Variants in SLC27A1 observed in about 807,000 individuals in gnomAD.
SLC27A1 encodes long-chain fatty acid transport protein 1.
Under a neutral mutation model 62.2 loss-of-function variants are expected in SLC27A1, and 61 were observed. That is an observed-to-expected ratio of 0.98 (90% CI 0.80 to 1.21). The LOEUF (loss-of-function observed/expected upper bound fraction) is 1.21. SLC27A1 is among the 50% of genes most tolerant of loss of function. The probability of loss-of-function intolerance (pLI) is 0.00; values close to 1 mark genes in which losing one functional copy is unlikely to be tolerated. For synonymous variants in SLC27A1, 435 were observed against 408.6 expected, an observed-to-expected ratio of 1.06 and a Z score of -0.78; for missense variants, 903 against 932.1, an observed-to-expected ratio of 0.97 and a Z score of 0.41.
At chr19:17,475,516 G>A (rs1299911431) in intron 1 of SLC27A1, among the ~76,000 whole-genome samples, 1 of 152,032 alleles carries the variant, frequency 6.6e-6, no homozygotes, top group Non-Finnish European at 1.5e-5. Flanking sequence ...GCCTGGGTGA[G>A]GGAGCAAGAC....
rs375208112 is a variant in SLC27A1 at position 17,497,278 on chromosome 19, C to G, written c.1020C>G (p.Ile340Met). 1 of 1,605,330 alleles carries G rather than the reference C, an allele frequency of 6.2e-7. No homozygotes were observed. Among genetic ancestry groups the G allele is most frequent in the African/African-American group, 1.3e-5 (1 of 74,272 alleles). Residue 340 changes from isoleucine to methionine, a missense_variant, in exon 7 of 12, where the codon ATC becomes ATG. Transcript: ENST00000252595. ...NCTVVQYIGE[I>M]CRYLLKQPVR... is the part of the protein sequence containing the mutation. ...AGGTGGTTCAGTACATCGGGGAGAT[C>G]TGCCGCTACCTGCTGAAGCAGCCGG...
intron 6 of SLC27A1, among the ~76,000 whole-genome samples, chr19:17,490,468 A>T (rs1268864488): frequency 2.0e-5 from 3 of 151,886 alleles, no homozygotes; most frequent in African/African-American, 7.3e-5. Flanking sequence ...ATTATCTTTT[A>T]AAAAAAATTA....
rs746884315 is a variant in SLC27A1, at chr19:17,504,571, G to A, written c.1900G>A (p.Ala634Thr). The A allele has an allele frequency of 5.0e-6, 8 of 1,614,024 alleles. No homozygotes were observed. The East Asian group carries it at 1.3e-4, about 27-fold the overall frequency. Residue 634 changes from alanine to threonine, a missense_variant, in exon 12 of 12, where the codon GCA becomes ACA. By Grantham distance (58) the Ala-to-Thr change is moderately conservative. Coordinates refer to ENST00000252595, the MANE Select transcript of SLC27A1 (RefSeq NM_198580.3). The part of the protein sequence containing the change: ...KQGHYLPLNE[A>T]VYTRICSGAF... Reference sequence around the variant, plus strand: ...GGGCCACTACCTGCCCTTAAATGAGGCAGTCTACACTCGCATCTGCTCGGG... The same window carrying A: ...GGGCCACTACCTGCCCTTAAATGAGACAGTCTACACTCGCATCTGCTCGGG...
intron 4 of SLC27A1, 88 bp from the exon 5 acceptor site, chr19:17,488,760 G>C: frequency 1.6e-6 from 2 of 1,216,784 alleles, no homozygotes; most frequent in Non-Finnish European, 2.4e-6. Flanking sequence ...GCTTTGCCTG[G>C]GTCCACATGC....
In SLC27A1 at chr19:17,500,302, C is replaced by A; in HGVS notation, c.1231C>A (p.Arg411Ser). 1.9e-6 allele frequency: 3 copies of A among 1,614,192 alleles called. No homozygotes were observed. The highest frequency in any genetic ancestry group is 2.5e-6 in the Non-Finnish European group (3 of 1,180,004). ...GGTCGGCTCCTGTGGTTTCAACAGC[C>A]GCATCCTGCCCCACGTGTACCCCAT... Reference protein sequence around the residue: ...GKVGSCGFNSRILPHVYPIRL... With the variant: ...GKVGSCGFNSSILPHVYPIRL... The change falls in exon 8 of 12, where the codon CGC becomes AGC. Residue 411 changes from arginine to serine, a missense_variant. Transcript: ENST00000252595.
At chr19:17,503,931 C>CA (rs749427478) in intron 11 of SLC27A1, among the ~76,000 whole-genome samples, 1,062 of 52,988 alleles carry the variant, frequency 0.02, 34 homozygotes, top group East Asian at 0.059. Flanking sequence ...GACTATGTCT[C>CA]AAAAAAAAAA....
At position 17,504,593 on chromosome 19, in the gene SLC27A1, C is replaced by T. The variant is rs1291266470; in HGVS notation, c.1922C>T (p.Ser641Leu). Residue 641 changes from serine (S) to leucine (L), a missense_variant, in exon 12 of 12, where the codon TCG becomes TTG. Transcript: ENST00000252595. Reference sequence around the variant, plus strand: ...GAGGCAGTCTACACTCGCATCTGCTCGGGCGCCTTCGCCCTCTGAAGCTGT... The same window carrying T: ...GAGGCAGTCTACACTCGCATCTGCTTGGGCGCCTTCGCCCTCTGAAGCTGT... ...LNEAVYTRIC[S>L]GAFAL The T allele has an allele frequency of 6.2e-6, 10 of 1,614,028 alleles. No individual in the cohort carries two copies. Among genetic ancestry groups the T allele is most frequent in the Admixed American group, 1.7e-5 (1 of 60,000 alleles).
At chr19:17,469,202 A>G (rs542158518), upstream of SLC27A1, among the ~76,000 whole-genome samples, 1 of 152,254 alleles carries the variant, frequency 6.6e-6, no homozygotes, top group East Asian at 1.9e-4. Flanking sequence ...AGGCTTCGGG[A>G]CATGGATTAA....
chr19:17,503,462 A>C (rs536601346), intron 11 of SLC27A1: 4 of 152,172 alleles, frequency 2.6e-5, no homozygotes, highest in African/African-American at 9.6e-5. Context: ...TTTATTTCTA[A>C]ATTTTTATTT....
chr19:17,495,718 C>T (rs2075343354), intron 6 of SLC27A1: 1 of 152,056 alleles, frequency 6.6e-6, no homozygotes, highest in South Asian at 2.1e-4. Flanking sequence ...AGGACCCTCC[C>T]CCTTAGGGAC....
At chr19:17,476,087 A>T (rs946549698) in intron 1 of SLC27A1, among the ~76,000 whole-genome samples, 2 of 152,056 alleles carry the variant, frequency 1.3e-5, no homozygotes, top group South Asian at 4.1e-4. Context: ...TTGCCTCTGG[A>T]CGGGCACCCT....
intron 11 of SLC27A1, among the ~76,000 whole-genome samples, chr19:17,502,189 T>G (rs1025093991): frequency 1.3e-5 from 2 of 152,118 alleles, no homozygotes; most frequent in African/African-American, 4.8e-5. Flanking sequence ...TTACTCATCC[T>G]AGTTCAGGAC....
intron 11 of SLC27A1, among the ~76,000 whole-genome samples, chr19:17,502,107 C>G (rs1291303038): frequency 6.6e-6 from 1 of 151,666 alleles, no homozygotes; most frequent in Non-Finnish European, 1.5e-5. Flanking sequence ...CAGAGTGAGA[C>G]AATGTCTCAA....
chr19:17,477,456 G>A lies in SLC27A1; in HGVS notation c.167+6749G>A, dbSNP rs149262286. On this transcript the variant is annotated intron_variant, in intron 1 of 11. Coordinates refer to ENST00000252595, the MANE Select transcript of SLC27A1 (RefSeq NM_198580.3). ...ACAGGGTTTCATCATGTTGACCAGG[G>A]TGGTCTCAAACTCCTGACCTCAGGT... Among the ~76,000 whole-genome samples, 868 of 142,446 alleles carry A rather than the reference G, an allele frequency of 6.1e-3. 5 individuals carry two copies. The highest frequency in any genetic ancestry group is 0.021 in the African/African-American group (822 of 38,366). The allele number at this position is 142,446 out of a possible 152,430, so 93.5% of individuals were successfully genotyped here. A position where few individuals can be genotyped will look rare whatever the true frequency, so the allele number is the denominator to read the frequency against.
intron 6 of SLC27A1, among the ~76,000 whole-genome samples, chr19:17,495,066 G>C (rs566321124): frequency 6.6e-6 from 1 of 151,424 alleles, no homozygotes; most frequent in Non-Finnish European, 1.5e-5. Context: ...TCTGCCTCTC[G>C]GGTTCAAGAG....
intron 1 of SLC27A1, among the ~76,000 whole-genome samples, chr19:17,481,286 G>A (rs1452079102): frequency 4.1e-5 from 6 of 148,120 alleles, no homozygotes; most frequent in Non-Finnish European, 7.4e-5. Flanking sequence ...CTGCATCCAC[G>A]TTGCTCCAAA....
chr19:17,472,018 G>C (rs113318380), intron 1 of SLC27A1, among the ~76,000 whole-genome samples: 4 of 152,270 alleles, frequency 2.6e-5, no homozygotes, highest in African/African-American at 9.6e-5. Context: ...ACCCCTTTTA[G>C]CCAGGGCAGG....
intron 1 of SLC27A1, among the ~76,000 whole-genome samples, chr19:17,479,418 G>A (rs115837768): frequency 3.7e-4 from 56 of 152,212 alleles, no homozygotes; most frequent in African/African-American, 1.3e-3. Context: ...CCTGCAGCGG[G>A]GGGCCCCATT....
At chr19:17,476,920 A>G (rs2075129013) in intron 1 of SLC27A1, among the ~76,000 whole-genome samples, 1 of 138,840 alleles carries the variant, frequency 7.2e-6, no homozygotes, top group Non-Finnish European at 1.5e-5. Flanking sequence ...ACATGGTCTC[A>G]CACTGTCACC....
Sources: gnomAD v4.1 joint callset for allele counts (sites outside exome capture counted in the v4.1 genomes callset) on GRCh38, gnomAD v4.1.1 for gene constraint, MANE v1.5 for transcripts, NCBI Gene and HGNC (gene_info 2026-07-23, HGNC 2026-07-21) for gene names.